The following ASIC2 variants were observed in gnomAD, a reference collection of about 807,000 sequenced individuals.
The protein encoded by ASIC2 is acid-sensing ion channel 2.
Under a neutral mutation model 57.3 loss-of-function variants are expected in ASIC2, and 25 were observed. That is an observed-to-expected ratio of 0.44 (90% confidence interval 0.32 to 0.61). ASIC2 has a LOEUF of 0.61. Ranked by LOEUF, ASIC2 falls within the 20% of genes least tolerant of loss-of-function variation. The probability of loss-of-function intolerance (pLI) is 0.06; values close to 1 mark genes in which losing one functional copy is unlikely to be tolerated. For synonymous variants in ASIC2, 319 were observed against 307.5 expected (o/e 1.04, Z -0.39); for missense variants, 641 against 738.1 (o/e 0.87, Z 1.52).
chr17:34,106,704 A>C (rs574132735), intron 1 of ASIC2, among the ~76,000 whole-genome samples: 2 of 152,198 alleles, frequency 1.3e-5, no homozygotes, highest in African/African-American at 4.8e-5. Context: ...AAATTTGGTC[A>C]GTGAGAACTC....
At chr17:33,772,332 A>G (rs1201185332) in intron 1 of ASIC2, among the ~76,000 whole-genome samples, 4 of 152,204 alleles carry the variant, frequency 2.6e-5, no homozygotes, top group African/African-American at 9.6e-5. Flanking sequence ...GTCTATTAGC[A>G]TTAGATCATA....
rs114855653 is a variant in ASIC2, at chr17:33,737,389, T to C, written c.555+418589A>G. On this transcript the variant is annotated intron_variant, in intron 1 of 9. Transcript: ENST00000359872. ...GTGACTCCCTAAATATACATGTCTCTGCTCCAACATTCTTTGTAGGACCTC... is the reference window on the plus strand; with the variant it reads ...GTGACTCCCTAAATATACATGTCTCCGCTCCAACATTCTTTGTAGGACCTC... 4.3e-3 allele frequency among the ~76,000 whole-genome samples: 659 copies of C among 152,384 alleles called. 7 individuals carry two copies. Among genetic ancestry groups the C allele is most frequent in the African/African-American group, 0.015 (640 of 41,582 alleles).
At chr17:33,314,884 A>C (rs1204703784) in intron 1 of ASIC2, among the ~76,000 whole-genome samples, 1 of 152,120 alleles carries the variant, frequency 6.6e-6, no homozygotes, top group Non-Finnish European at 1.5e-5. Context: ...TCTTCTTTTA[A>C]TTAATTGGGA....
intron 1 of ASIC2, among the ~76,000 whole-genome samples, chr17:33,183,667 C>A (rs879010748): frequency 6.6e-6 from 1 of 152,180 alleles, no homozygotes; most frequent in Admixed American, 6.5e-5. Context: ...TTAAAAAGCA[C>A]TTATTGTATT....
intron 1 of ASIC2, among the ~76,000 whole-genome samples, chr17:33,210,729 C>G (rs765511498): frequency 1.3e-5 from 2 of 152,218 alleles, no homozygotes; most frequent in Non-Finnish European, 2.9e-5. Flanking sequence ...AAGCCTCACC[C>G]TTCATAACAA....
intron 3 of ASIC2, among the ~76,000 whole-genome samples, chr17:33,040,859 G>C (rs542395335): frequency 6.6e-6 from 1 of 152,126 alleles, no homozygotes; most frequent in Non-Finnish European, 1.5e-5. Flanking sequence ...AGACAGGAGT[G>C]GGGGTGCGCC....
chr17:33,178,787 C>A (rs548988220), intron 1 of ASIC2, among the ~76,000 whole-genome samples: 1 of 152,190 alleles, frequency 6.6e-6, no homozygotes, highest in Non-Finnish European at 1.5e-5. Context: ...GCAGGGGAAG[C>A]TCTGTGTGTG....
intron 1 of ASIC2, among the ~76,000 whole-genome samples, chr17:34,088,428 G>A (rs1017704365): frequency 9.2e-5 from 14 of 152,308 alleles, no homozygotes; most frequent in East Asian, 3.9e-4. Flanking sequence ...GTACCCGGCC[G>A]TGTGAAGTGT....
chr17:34,084,356 G>C (rs1910014417), intron 1 of ASIC2, among the ~76,000 whole-genome samples: 1 of 152,242 alleles, frequency 6.6e-6, no homozygotes, highest in Non-Finnish European at 1.5e-5. Flanking sequence ...GATAGTTGTA[G>C]ATATGCAGCG....
At chr17:33,704,922 G>A (rs1046745563) in intron 1 of ASIC2, among the ~76,000 whole-genome samples, 3 of 152,178 alleles carry the variant, frequency 2.0e-5, no homozygotes, top group Non-Finnish European at 2.9e-5. Context: ...GGGTTTAAAA[G>A]CACTCTTTGG....
intron 1 of ASIC2, among the ~76,000 whole-genome samples, chr17:33,260,222 T>C (rs970950605): frequency 6.6e-6 from 1 of 152,232 alleles, no homozygotes; most frequent in African/African-American, 2.4e-5. Flanking sequence ...CCTGGCCTCC[T>C]GGCCCCTGAA....
intron 2 of ASIC2, among the ~76,000 whole-genome samples, chr17:33,090,894 C>G (rs898871161): frequency 2.1e-4 from 32 of 152,180 alleles, no homozygotes; most frequent in African/African-American, 7.5e-4. Flanking sequence ...GACCCTCAGC[C>G]AGGAATCCTT....
At chr17:33,301,713 T>C (rs1333724790) in intron 1 of ASIC2, among the ~76,000 whole-genome samples, 2 of 152,230 alleles carry the variant, frequency 1.3e-5, no homozygotes, top group Non-Finnish European at 1.5e-5. Flanking sequence ...AAATAAAGCA[T>C]GATAAATGCT....
chr17:33,262,923 G>A (rs1323385426), intron 1 of ASIC2, among the ~76,000 whole-genome samples: 1 of 152,174 alleles, frequency 6.6e-6, no homozygotes, highest in East Asian at 1.9e-4. Context: ...TGGAATGAGG[G>A]GTAGACATGC....
chr17:34,050,481 T>C (rs1908515015), intron 1 of ASIC2, among the ~76,000 whole-genome samples: 1 of 152,216 alleles, frequency 6.6e-6, no homozygotes, highest in African/African-American at 2.4e-5. Flanking sequence ...CTCTTCCCAC[T>C]TAATCAGAAT....
At chr17:34,042,018 C>T (rs914593342) in intron 1 of ASIC2, among the ~76,000 whole-genome samples, 1 of 152,184 alleles carries the variant, frequency 6.6e-6, no homozygotes, top group Non-Finnish European at 1.5e-5. Context: ...AATTGTAGGA[C>T]AAACTCACAC....
chr17:33,768,913 C>T (rs921438488), intron 1 of ASIC2, among the ~76,000 whole-genome samples: 4 of 152,130 alleles, frequency 2.6e-5, no homozygotes, highest in Admixed American at 2.0e-4. Flanking sequence ...CGTTCCCTCT[C>T]CAGCTTCCCT....
At chr17:33,992,711 A>G (rs773547320) in intron 1 of ASIC2, among the ~76,000 whole-genome samples, 5 of 152,204 alleles carry the variant, frequency 3.3e-5, no homozygotes, top group African/African-American at 7.2e-5. Context: ...GGCAAACACT[A>G]CAAATCAGGA....
intron 1 of ASIC2, among the ~76,000 whole-genome samples, chr17:33,268,932 G>A (rs1904334679): frequency 6.6e-6 from 1 of 152,192 alleles, no homozygotes; most frequent in African/African-American, 2.4e-5. Context: ...AATACATTGT[G>A]TGACCTTGGG....
Sources: allele counts gnomAD v4.1 joint callset (sites outside exome capture counted in the v4.1 genomes callset), GRCh38; gene constraint gnomAD v4.1.1; transcripts MANE v1.5; gene names NCBI Gene and HGNC (gene_info 2026-07-23, HGNC 2026-07-21).